ME2: variants seen among roughly 807,000 people sequenced by gnomAD.
ME2 encodes NAD-dependent malic enzyme, mitochondrial.
In ME2, 60 loss-of-function variants were observed where a neutral mutation model predicts 73.7. The ratio of observed to expected loss-of-function variants is 0.81; its 90% CI spans 0.66 to 1.01. The LOEUF (loss-of-function observed/expected upper bound fraction) is 1.01, where lower values mean the gene tolerates loss of function less well. Among genes scored for constraint, ME2 ranks in the 50% least tolerant of loss-of-function variants. ME2 has a pLI of 0.00. For synonymous variants in ME2, 199 were observed against 236.9 expected (o/e 0.84, Z 1.47); for missense variants, 594 against 705.5 (o/e 0.84, Z 1.79).
In ME2 at chr18:50,908,094, T is replaced by C. The variant is rs950982965; in HGVS notation, c.140T>C (p.Met47Thr). Residue 47 changes from methionine (M) to threonine (T), a missense_variant, in exon 3 of 16, where the codon ATG becomes ACG. Physicochemically the swap from Met to Thr is moderately conservative, Grantham distance 81 (BLOSUM62 -1). Coordinates refer to ENST00000321341, the MANE Select transcript of ME2 (RefSeq NM_002396.5). ...GCATTTACTTTACAAGAACGACAAA[T>C]GCTTGGTCTTCAAGGACTTCTACCT... ...GMAFTLQERQ[M>T]LGLQGLLPPK... 1.9e-6 allele frequency: 3 copies of C among 1,592,918 alleles called. No homozygotes were observed. The East Asian group carries it at 6.8e-5, about 36-fold the overall frequency.
intron 1 of ME2, among the ~76,000 whole-genome samples, chr18:50,882,077 C>A (rs550809384): frequency 1.5e-4 from 23 of 152,304 alleles, no homozygotes; most frequent in African/African-American, 5.3e-4. Flanking sequence ...TGGTTCACTG[C>A]AACCTCAACC....
At chr18:50,883,555 A>G (rs1437403802) in intron 1 of ME2, among the ~76,000 whole-genome samples, 2 of 152,320 alleles carry the variant, frequency 1.3e-5, no homozygotes, top group East Asian at 1.9e-4. Context: ...AACCACGGGC[A>G]TATTCCAGTA....
At position 50,954,198 on chromosome 18, in the gene ME2, T is replaced by TA. The variant is rs1918276800; in HGVS notation, c.*7015dup. 1 of 152,250 alleles carries TA rather than the reference T, an allele frequency of 6.6e-6. No individual in the cohort carries two copies. Among genetic ancestry groups the TA allele is most frequent in the Non-Finnish European group, 1.5e-5 (1 of 68,046 alleles). 9.4% of individuals were successfully genotyped at this position (152,250 alleles called of 1,614,324 possible). On this transcript the variant is annotated 3_prime_UTR_variant, in exon 16 of 16. Transcript: ENST00000321341. The stretch of plus-strand genomic sequence containing the variant: ...GTGAATTATTTTTTCTCTGTTGTGA[T>TA]ATGTTGTAATGAGATGTGTGTTCTT...
chr18:50,887,361 C>A (rs1599083781), intron 1 of ME2, among the ~76,000 whole-genome samples: 1 of 152,128 alleles, frequency 6.6e-6, no homozygotes, highest in African/African-American at 2.4e-5. Context: ...ACAAATGTTC[C>A]ATGGGTAGAC....
intron 12 of ME2, among the ~76,000 whole-genome samples, chr18:50,930,973 A>G (rs1917678683): frequency 2.6e-5 from 4 of 152,206 alleles, no homozygotes; most frequent in Admixed American, 6.5e-5. Context: ...GCTTGCTTCT[A>G]CTCTTAAACC....
rs767066614 is a variant in ME2 at position 50,920,625 on chromosome 18, A to G, written c.845-36A>G. ...CTTTTTAAACATTTTTAATGTGCCC[A>G]TTTTTTATTTGTAAAAATCTTTGTT... On this transcript the variant is annotated intron_variant, in intron 8 of 15. Transcript: ENST00000321341. 2.5e-6 allele frequency: 4 copies of G among 1,579,506 alleles called. No homozygotes were observed. In the African/African-American group the frequency reaches 5.5e-5, roughly 22 times the overall value.
Position 50,939,650 on chromosome 18 carries a change from T to C in ME2, c.1488+10T>C, listed in dbSNP as rs1254511009. On this transcript the variant is annotated intron_variant, in intron 14 of 15. Transcript: ENST00000321341. ...CCTAGAAGCTGCAAAGGTAAATGTTTTAAATGTTGTTTATTTTATAAAGGA... is the reference window on the plus strand; with the variant it reads ...CCTAGAAGCTGCAAAGGTAAATGTTCTAAATGTTGTTTATTTTATAAAGGA... 6.4e-7 allele frequency: 1 copy of C among 1,570,040 alleles called. No homozygotes were observed. The highest frequency in any genetic ancestry group is 1.7e-5 in the Admixed American group (1 of 59,756).
intron 10 of ME2, among the ~76,000 whole-genome samples, chr18:50,921,581 T>G (rs1202003871): frequency 6.6e-6 from 1 of 152,186 alleles, no homozygotes; most frequent in Non-Finnish European, 1.5e-5. Flanking sequence ...ATTTTATTAT[T>G]ATTTATTTTT....
intron 12 of ME2, 43 bp from the exon 13 acceptor site, chr18:50,932,215 C>A: frequency 1.3e-6 from 2 of 1,534,484 alleles, no homozygotes; most frequent in Non-Finnish European, 1.8e-6. Flanking sequence ...TTTTCTCATC[C>A]ACAGAAAATA....
rs1599131747 is a variant in ME2 at position 50,947,002 on chromosome 18, T to C, written c.1588-15T>C. ...AATACTCAGAGCCTACACAATAACC[T>C]TACTTATTTTTCAGGTTACAGAATA... On this transcript the variant is annotated splice_polypyrimidine_tract_variant and intron_variant, in intron 15 of 15. Coordinates refer to ENST00000321341, the MANE Select transcript of ME2 (RefSeq NM_002396.5). 6.2e-7 allele frequency: 1 copy of C among 1,600,078 alleles called. No homozygotes were observed. The highest frequency in any genetic ancestry group is 1.3e-5 in the African/African-American group (1 of 74,628).
intron 4 of ME2, 52 bp from the exon 5 acceptor site, chr18:50,916,116 A>ATTTCAATTTCAAAG: frequency 8.1e-7 from 1 of 1,230,180 alleles, no homozygotes; most frequent in Non-Finnish European, 1.2e-6. Flanking sequence ...ATGAACAAAA[A>ATTTCAATTTCAAAG]CTTAGAAACA....
At chr18:50,907,414 C>G (rs1179110671) in intron 2 of ME2, among the ~76,000 whole-genome samples, 1 of 152,214 alleles carries the variant, frequency 6.6e-6, no homozygotes, top group East Asian at 1.9e-4. Flanking sequence ...GAAGAAGTTG[C>G]TTCTGGTTAT....
chr18:50,904,176 T>C (rs555281943), intron 2 of ME2, among the ~76,000 whole-genome samples: 4 of 152,326 alleles, frequency 2.6e-5, no homozygotes, highest in Non-Finnish European at 4.4e-5. Context: ...CTAGCTCTCT[T>C]TTGGTTACAA....
rs1289423843 is a variant in ME2, at chr18:50,918,127, A to G, written c.648A>G (p.Pro216=). 2 of 1,597,462 alleles carry G rather than the reference A, an allele frequency of 1.3e-6. No individual in the cohort carries two copies. The highest frequency in any genetic ancestry group is 2.7e-5 in the African/African-American group (2 of 74,644). The change falls in exon 7 of 16, where the codon CCA becomes CCG. Residue 216 remains proline (P), a synonymous_variant. Transcript: ENST00000321341. ...GTDNIALLKD[P]FYMGLYQKRD... ...TTTTGTAGGCACTCTTAAAAGACCC[A>G]TTTTACATGGGCTTGTACCAGAAAC...
chr18:50,887,909 T>C (rs1390184771), intron 1 of ME2, among the ~76,000 whole-genome samples: 1 of 152,116 alleles, frequency 6.6e-6, no homozygotes, highest in African/African-American at 2.4e-5. Context: ...GAATTTAAAG[T>C]TATGAAGCAT....
intron 15 of ME2, among the ~76,000 whole-genome samples, chr18:50,946,280 A>G (rs1918081222): frequency 6.6e-6 from 1 of 152,158 alleles, no homozygotes; most frequent in South Asian, 2.1e-4. Context: ...GCTTGGGTGG[A>G]GAATTTGAAA....
At chr18:50,928,120 A>G (rs923832138) in intron 12 of ME2, among the ~76,000 whole-genome samples, 1 of 147,366 alleles carries the variant, frequency 6.8e-6, no homozygotes. Flanking sequence ...GCCCCACCTA[A>G]TTTCTTGAAT....
intron 2 of ME2, 88 bp from the exon 3 acceptor site, chr18:50,907,975 A>G (rs1241426188): frequency 1.4e-5 from 14 of 1,036,078 alleles, no homozygotes; most frequent in Non-Finnish European, 1.5e-5. Context: ...TGATTTTTCA[A>G]ATTTGCATTT....
chr18:50,940,282 C>T lies in ME2; in HGVS notation c.1489-6C>T, dbSNP rs1000405265. On this transcript the variant is annotated splice_polypyrimidine_tract_variant and splice_region_variant and intron_variant, in intron 14 of 15. Transcript: ENST00000321341. ...AACAAAAGCAAAATGCTGTTTTTCTCTTCAGGCCCTGACAAGCCAATTGAC... is the reference window on the plus strand; with the variant it reads ...AACAAAAGCAAAATGCTGTTTTTCTTTTCAGGCCCTGACAAGCCAATTGAC... 9.4e-6 allele frequency: 15 copies of T among 1,595,880 alleles called. No individual in the cohort carries two copies. Among genetic ancestry groups the T allele is most frequent in the East Asian group, 6.7e-5 (3 of 44,690 alleles).
Sources: allele counts gnomAD v4.1 joint callset (sites outside exome capture counted in the v4.1 genomes callset), GRCh38; gene constraint gnomAD v4.1.1; transcripts MANE v1.5; gene names NCBI Gene and HGNC (gene_info 2026-07-23, HGNC 2026-07-21).